The following MYBPC1 variants were observed in gnomAD, a reference collection of about 807,000 sequenced individuals.
MYBPC1 encodes the protein myosin-binding protein C, slow-type.
Under a neutral mutation model 147.1 loss-of-function variants are expected in MYBPC1, and 52 were observed. The observed-to-expected ratio is 0.35, with a 90% confidence interval of 0.28 to 0.45. The LOEUF is 0.45. MYBPC1 is among the 20% of genes least tolerant of loss of function. The probability of loss-of-function intolerance (pLI) is 1.00; values close to 1 mark genes in which losing one functional copy is unlikely to be tolerated. For synonymous variants in MYBPC1, 477 were observed against 475.9 expected, an observed-to-expected ratio of 1.00 and a Z score of -0.03; for missense variants, 1,228 against 1,440.3, an observed-to-expected ratio of 0.85 and a Z score of 2.39.
downstream of MYBPC1, among the ~76,000 whole-genome samples, chr12:101,688,754 A>G (rs889424516): frequency 6.6e-6 from 1 of 150,746 alleles, no homozygotes; most frequent in Non-Finnish European, 1.5e-5. Context: ...TGAGTGCAGG[A>G]GTTCAAGGCT....
chr12:101,611,893 A>T (rs1315050014), intron 1 of MYBPC1, among the ~76,000 whole-genome samples: 3 of 152,128 alleles, frequency 2.0e-5, no homozygotes, highest in Admixed American at 6.5e-5. Context: ...CCTGGCCAAC[A>T]TGGTGAAACC....
intron 9 of MYBPC1, among the ~76,000 whole-genome samples, chr12:101,635,344 C>T (rs1890777708): frequency 6.6e-6 from 1 of 152,076 alleles, no homozygotes; most frequent in Non-Finnish European, 1.5e-5. Flanking sequence ...ACTGAATCCA[C>T]ATACAGAATC....
In MYBPC1 at chr12:101,646,778, C is replaced by T. The variant is rs773303544; in HGVS notation, c.981C>T (p.His327=). 2 of 1,612,692 alleles carry T rather than the reference C, an allele frequency of 1.2e-6. No individual in the cohort carries two copies. The highest frequency in any genetic ancestry group is 1.3e-5 in the African/African-American group (1 of 74,908). ...TTCAAAACAGATACATCTTTGAACA[C>T]AAAGGATGCCAGAGAATCCTGTTTA... ...IRPSTKYIFE[H]KGCQRILFIN... is the part of the protein sequence containing the mutation. Residue 327 remains histidine (H), a synonymous_variant, in exon 13 of 32, where the codon CAC becomes CAT. Coordinates refer to ENST00000361466, the MANE Select transcript of MYBPC1 (RefSeq NM_002465.4).
Position 101,663,422 on chromosome 12 carries a change from T to A in MYBPC1, c.2222-4T>A, listed in dbSNP as rs927472988. On this transcript the variant is annotated splice_polypyrimidine_tract_variant and splice_region_variant and intron_variant, in intron 21 of 31. Transcript: ENST00000361466. Reference sequence around the variant, plus strand: ...TATTCTTTTCTGTCTCTTTTATCTTTAAGCTGTAACAAGCCCTCCTACTCT... The same window carrying A: ...TATTCTTTTCTGTCTCTTTTATCTTAAAGCTGTAACAAGCCCTCCTACTCT... 1.2e-6 allele frequency: 2 copies of A among 1,612,948 alleles called. No homozygotes were observed. The highest frequency in any genetic ancestry group is 1.7e-6 in the Non-Finnish European group (2 of 1,178,940).
At chr12:101,667,621 G>T in intron 22 of MYBPC1, 111 bp from the exon 23 acceptor site, 4 of 1,227,978 alleles carry the variant, frequency 3.3e-6, no homozygotes, top group Non-Finnish European at 4.7e-6. Flanking sequence ...GTCTCTAAAT[G>T]ATGTATTATT....
rs776818867 is a variant in MYBPC1 at position 101,649,288 on chromosome 12, G to C, written c.1225G>C (p.Gly409Arg). The C allele has an allele frequency of 1.2e-6, 2 of 1,613,570 alleles. No homozygotes were observed. Among genetic ancestry groups the C allele is most frequent in the Non-Finnish European group, 1.7e-6 (2 of 1,179,640 alleles). ...TAAGAATGGTGAAGAGATTATCCCT[G>C]GTCCAAAATCAAGATACCGAATTAG... Reference protein sequence around the residue: ...WFKNGEEIIPGPKSRYRIRVE... With the variant: ...WFKNGEEIIPRPKSRYRIRVE... Residue 409 changes from glycine (G) to arginine (R), a missense_variant, in exon 15 of 32, where the codon GGT becomes CGT. This residue lies in a region of MYBPC1 where 1,077 missense variants were observed against 1,314.2 expected (regional missense o/e 0.82). Coordinates refer to ENST00000361466, the MANE Select transcript of MYBPC1 (RefSeq NM_002465.4).
At chr12:101,606,548 C>T (rs1012960513) in intron 1 of MYBPC1, among the ~76,000 whole-genome samples, 3 of 150,954 alleles carry the variant, frequency 2.0e-5, no homozygotes, top group African/African-American at 7.4e-5. Context: ...AAGCAAGCCA[C>T]CCACCCCAGT....
At chr12:101,685,178 TAACA>T (rs934115728) in intron 31 of MYBPC1, among the ~76,000 whole-genome samples, 51 of 152,182 alleles carry the variant, frequency 3.4e-4, no homozygotes. Flanking sequence ...AAAAGAACAT[TAACA>T]AACTGGAAGC....
intron 10 of MYBPC1, 184 bp downstream of exon 10, chr12:101,636,912 G>T: frequency 1.7e-6 from 1 of 586,144 alleles, no homozygotes; most frequent in South Asian, 2.0e-5. Context: ...ATCTTTTAAA[G>T]CCTTTAACAG....
intron 30 of MYBPC1, among the ~76,000 whole-genome samples, chr12:101,684,086 G>A (rs1259469168): frequency 6.6e-6 from 1 of 152,066 alleles, no homozygotes; most frequent in Non-Finnish European, 1.5e-5. Context: ...TGGTTTGGAA[G>A]CTCTTACCAT....
At chr12:101,656,120 A>T (rs1895498349) in intron 18 of MYBPC1, among the ~76,000 whole-genome samples, 1 of 152,136 alleles carries the variant, frequency 6.6e-6, no homozygotes, top group South Asian at 2.1e-4. Context: ...TTGAAAGTGG[A>T]GTTGGGTTAA....
At chr12:101,643,805 A>T (rs1166465918) in intron 11 of MYBPC1, among the ~76,000 whole-genome samples, 1 of 152,116 alleles carries the variant, frequency 6.6e-6, no homozygotes, top group Admixed American at 6.5e-5. Flanking sequence ...TCCTAAACGT[A>T]TGTGCAAGGG....
downstream of MYBPC1, among the ~76,000 whole-genome samples, chr12:101,689,897 G>T (rs536046119): frequency 2.6e-5 from 4 of 152,200 alleles, no homozygotes; most frequent in South Asian, 6.2e-4. Flanking sequence ...ACTCTCTGCC[G>T]GGCGCGGTGG....
Position 101,662,427 on chromosome 12 carries a change from A to T in MYBPC1, c.2102A>T (p.Glu701Val), listed in dbSNP as rs1202752436. ...WMRLNFDLCK[E>V]TTFEPKKMIE... ...AGGCTGAATTTTGATCTCTGCAAAG[A>T]AACAACTTTTGAGCCCAAGAAGATG... is the stretch of plus-strand genomic sequence containing the variant. The change falls in exon 21 of 32, where the codon GAA (glutamate) becomes GTA (valine). Residue 701 changes from glutamate to valine, a missense_variant. Glu to Val is a moderately radical substitution (Grantham distance 121). Transcript: ENST00000361466. The T allele has an allele frequency of 6.2e-7, 1 of 1,614,146 alleles. No individual in the cohort carries two copies. Among genetic ancestry groups the T allele is most frequent in the African/African-American group, 1.3e-5 (1 of 74,940 alleles).
chr12:101,646,077 G>C (rs11110909), intron 12 of MYBPC1, among the ~76,000 whole-genome samples: 21,682 of 152,040 alleles, frequency 0.14, 1,767 homozygotes, highest in Middle Eastern at 0.27. Flanking sequence ...CACCTATAAA[G>C]TACATGAATT....
At chr12:101,668,172 C>T (rs1187459726) in intron 23 of MYBPC1, among the ~76,000 whole-genome samples, 1 of 152,140 alleles carries the variant, frequency 6.6e-6, no homozygotes, top group Non-Finnish European at 1.5e-5. Flanking sequence ...TGCCTATTTA[C>T]AGTGGAGAGA....
chr12:101,609,227 T>C (rs532918956), intron 1 of MYBPC1, among the ~76,000 whole-genome samples: 7 of 152,160 alleles, frequency 4.6e-5, no homozygotes, highest in African/African-American at 1.7e-4. Context: ...AAAGTGTGGG[T>C]TGTGGACCAG....
chr12:101,607,827 T>C (rs1027402479), intron 1 of MYBPC1, among the ~76,000 whole-genome samples: 11 of 152,148 alleles, frequency 7.2e-5, no homozygotes, highest in African/African-American at 2.2e-4. Flanking sequence ...CGCAGACATA[T>C]AAAAAGAGAC....
At chr12:101,606,326 G>C (rs1420652645) in intron 1 of MYBPC1, among the ~76,000 whole-genome samples, 3 of 152,036 alleles carry the variant, frequency 2.0e-5, no homozygotes, top group Non-Finnish European at 4.4e-5. Flanking sequence ...CTATTTGTTA[G>C]AGAATATGAG....
Sources: gnomAD v4.1 joint callset for allele counts (sites outside exome capture counted in the v4.1 genomes callset) on GRCh38, gnomAD v4.1.1 for gene constraint, gnomAD v4.1.1 regional missense constraint, MANE v1.5 for transcripts, NCBI Gene and HGNC (gene_info 2026-07-23, HGNC 2026-07-21) for gene names.